Variants in NLGN1 observed in about 807,000 individuals in gnomAD.
The protein encoded by NLGN1 is neuroligin-1.
NLGN1 carries 12 observed loss-of-function variants against 65.5 expected under a neutral mutation model. The ratio of observed to expected loss-of-function variants is 0.18; its 90% confidence interval spans 0.12 to 0.30. NLGN1 has a LOEUF of 0.30. Among genes scored for constraint, NLGN1 ranks in the 10% least tolerant of loss-of-function variants. NLGN1 has a pLI of 1.00. For missense variants in NLGN1, 750 were observed against 1,007.1 expected (o/e 0.74, Z 3.46); for synonymous variants, 350 against 359.5 (o/e 0.97, Z 0.30).
chr3:173,985,268 T>G (rs953003908), intron 4 of NLGN1, among the ~76,000 whole-genome samples: 1 of 152,226 alleles, frequency 6.6e-6, no homozygotes, highest in South Asian at 2.1e-4. Flanking sequence ...CTTTCAATGC[T>G]GAAATCACTG....
intron 4 of NLGN1, among the ~76,000 whole-genome samples, chr3:174,046,905 ATAGTT>A (rs1411153221): frequency 6.6e-6 from 1 of 152,100 alleles, no homozygotes; most frequent in African/African-American, 2.4e-5. Context: ...GTTGTATAGT[ATAGTT>A]AAGAAAATTT....
At chr3:174,138,170 G>A (rs1721566482) in intron 4 of NLGN1, among the ~76,000 whole-genome samples, 2 of 152,004 alleles carry the variant, frequency 1.3e-5, no homozygotes, top group Non-Finnish European at 2.9e-5. Flanking sequence ...AGCACGTTTG[G>A]TCTCAAAGGA....
At chr3:173,553,419 A>G (rs566367839) in intron 2 of NLGN1, among the ~76,000 whole-genome samples, 144 of 152,332 alleles carry the variant, frequency 9.5e-4, no homozygotes, top group African/African-American at 3.2e-3. Flanking sequence ...ATTCACAGGA[A>G]GAGAGATTTT....
At chr3:173,924,214 A>G (rs1742583626) in intron 4 of NLGN1, among the ~76,000 whole-genome samples, 1 of 152,096 alleles carries the variant, frequency 6.6e-6, no homozygotes, top group African/African-American at 2.4e-5. Flanking sequence ...CCTGAAAGAG[A>G]TATATTAACA....
At chr3:174,213,975 C>T (rs1282441117) in intron 4 of NLGN1, among the ~76,000 whole-genome samples, 3 of 152,036 alleles carry the variant, frequency 2.0e-5, no homozygotes, top group Non-Finnish European at 4.4e-5. Flanking sequence ...CAAATATTAA[C>T]ATAACAATAT....
intron 1 of NLGN1, among the ~76,000 whole-genome samples, chr3:173,415,997 G>C (rs1336312848): frequency 6.6e-6 from 1 of 150,692 alleles, no homozygotes; most frequent in East Asian, 2.0e-4. Flanking sequence ...ATGAATATTA[G>C]CTATTACCAG....
chr3:173,753,497 A>C (rs1444095257), intron 3 of NLGN1, among the ~76,000 whole-genome samples: 1 of 152,068 alleles, frequency 6.6e-6, no homozygotes, highest in Non-Finnish European at 1.5e-5. Flanking sequence ...TACCTTCAAA[A>C]TATATCTGGA....
intron 4 of NLGN1, among the ~76,000 whole-genome samples, chr3:174,220,749 C>T (rs1171534487): frequency 6.6e-6 from 1 of 152,014 alleles, no homozygotes; most frequent in Non-Finnish European, 1.5e-5. Flanking sequence ...GTTGTGCTTT[C>T]CCTGTACCTG....
chr3:174,274,271 A>AGAT (rs767371830), intron 4 of NLGN1, among the ~76,000 whole-genome samples: 1 of 151,382 alleles, frequency 6.6e-6, no homozygotes, highest in African/African-American at 2.4e-5. Flanking sequence ...ATTAGAGAAT[A>AGAT]GATGTTTGTT....
intron 1 of NLGN1, among the ~76,000 whole-genome samples, chr3:173,406,192 A>G (rs949021824): frequency 2.6e-5 from 4 of 152,066 alleles, no homozygotes; most frequent in Non-Finnish European, 5.9e-5. Context: ...AATATACTGG[A>G]TGAGAAAGAT....
At chr3:174,174,186 T>C (rs1350628945) in intron 4 of NLGN1, among the ~76,000 whole-genome samples, 4 of 152,098 alleles carry the variant, frequency 2.6e-5, no homozygotes, top group Non-Finnish European at 5.9e-5. Flanking sequence ...TAGTAATCCA[T>C]TGTATATATA....
intron 4 of NLGN1, among the ~76,000 whole-genome samples, chr3:174,078,386 A>G (rs550770372): frequency 6.6e-6 from 1 of 152,336 alleles, no homozygotes; most frequent in East Asian, 1.9e-4. Flanking sequence ...ATAGTGATCA[A>G]CTGTCCATTG....
At chr3:173,583,079 T>C (rs778460668) in intron 2 of NLGN1, among the ~76,000 whole-genome samples, 2 of 152,214 alleles carry the variant, frequency 1.3e-5, no homozygotes, top group Non-Finnish European at 2.9e-5. Flanking sequence ...TTCTGTTCCA[T>C]TGGACTAGTT....
At chr3:173,428,066 C>G (rs1010409764) in intron 1 of NLGN1, among the ~76,000 whole-genome samples, 2 of 151,680 alleles carry the variant, frequency 1.3e-5, no homozygotes, top group African/African-American at 4.8e-5. Context: ...ATATAATGAC[C>G]TTCTTTGTCT....
intron 4 of NLGN1, among the ~76,000 whole-genome samples, chr3:174,211,170 G>C: frequency 6.6e-6 from 1 of 152,208 alleles, no homozygotes. Flanking sequence ...GAAGTAGCAA[G>C]ATTTACTGCA....
At chr3:173,802,952 C>T (rs1052914466) in intron 3 of NLGN1, among the ~76,000 whole-genome samples, 4 of 151,858 alleles carry the variant, frequency 2.6e-5, no homozygotes, top group Non-Finnish European at 5.9e-5. Flanking sequence ...AAGCAATTCT[C>T]CTGCCACAGC....
intron 4 of NLGN1, among the ~76,000 whole-genome samples, chr3:174,217,293 CATGTTAA>C (rs1737798778): frequency 6.6e-6 from 1 of 152,140 alleles, no homozygotes; most frequent in Admixed American, 6.5e-5. Context: ...AGTCTGATCT[CATGTTAA>C]CTGATTGCAT....
chr3:173,594,848 G>A (rs200459818), intron 2 of NLGN1, among the ~76,000 whole-genome samples: 3 of 152,312 alleles, frequency 2.0e-5, no homozygotes, highest in East Asian at 3.9e-4. Context: ...AGCTGCCAAG[G>A]CTTGGGGCTT....
At chr3:173,782,104 T>TG (rs1310021305) in intron 3 of NLGN1, among the ~76,000 whole-genome samples, 1 of 151,762 alleles carries the variant, frequency 6.6e-6, no homozygotes, top group Non-Finnish European at 1.5e-5. Context: ...GTGTCTTTTT[T>TG]TTTAGTTTTC....
Sources: gnomAD v4.1 joint callset for allele counts (sites outside exome capture counted in the v4.1 genomes callset) on GRCh38, gnomAD v4.1.1 for gene constraint, MANE v1.5 for transcripts, NCBI Gene and HGNC (gene_info 2026-07-23, HGNC 2026-07-21) for gene names.